Variants in SLC2A13 observed in about 807,000 individuals in gnomAD.
SLC2A13 encodes proton myo-inositol cotransporter.
SLC2A13 carries 32 observed loss-of-function variants against 64.4 expected under a neutral mutation model. The ratio of observed to expected loss-of-function variants is 0.50; its 90% CI spans 0.37 to 0.67. The LOEUF (loss-of-function observed/expected upper bound fraction) is 0.67, where lower values mean the gene tolerates loss of function less well. Ranked by LOEUF, SLC2A13 falls within the 30% of genes least tolerant of loss-of-function variation. The pLI, the probability that SLC2A13 is intolerant of heterozygous loss-of-function variation, is 0.00. For synonymous variants in SLC2A13, 338 were observed against 327.1 expected, an observed-to-expected ratio of 1.03 and a Z score of -0.36; for missense variants, 743 against 829.2, an observed-to-expected ratio of 0.90 and a Z score of 1.28.
At chr12:39,993,912 G>C (rs1200551543) in intron 3 of SLC2A13, among the ~76,000 whole-genome samples, 1 of 152,028 alleles carries the variant, frequency 6.6e-6, no homozygotes, top group Non-Finnish European at 1.5e-5. Flanking sequence ...AAATCTAATT[G>C]AAAAGCAAGG....
intron 7 of SLC2A13, among the ~76,000 whole-genome samples, chr12:39,800,582 A>C (rs1166994126): frequency 1.1e-5 from 1 of 87,602 alleles, no homozygotes; most frequent in Non-Finnish European, 2.3e-5. Flanking sequence ...CAATCATTAA[A>C]AAGTCAGGAA....
intron 1 of SLC2A13, among the ~76,000 whole-genome samples, chr12:40,095,310 T>C (rs1938903303): frequency 6.6e-6 from 1 of 152,144 alleles, no homozygotes; most frequent in Non-Finnish European, 1.5e-5. Flanking sequence ...CTGCGTGAAG[T>C]AAAATAATGA....
At chr12:40,058,205 C>T (rs1009049634) in intron 1 of SLC2A13, among the ~76,000 whole-genome samples, 1 of 152,022 alleles carries the variant, frequency 6.6e-6, no homozygotes, top group African/African-American at 2.4e-5. Flanking sequence ...AACTTGTTTT[C>T]CCAGGGTCTT....
At chr12:39,789,912 G>A (rs1345345775) in intron 7 of SLC2A13, among the ~76,000 whole-genome samples, 2 of 151,966 alleles carry the variant, frequency 1.3e-5, no homozygotes, top group Non-Finnish European at 2.9e-5. Context: ...TCATAGGAAC[G>A]TCCAGATATA....
intron 7 of SLC2A13, among the ~76,000 whole-genome samples, chr12:39,787,783 G>A (rs1048153603): frequency 6.6e-6 from 1 of 152,098 alleles, no homozygotes; most frequent in Non-Finnish European, 1.5e-5. Context: ...GGAAACAGCT[G>A]GGAGACCTAC....
At chr12:40,098,023 ATATGTATGTATATATG>A (rs1383742301) in intron 1 of SLC2A13, among the ~76,000 whole-genome samples, 2 of 148,734 alleles carry the variant, frequency 1.3e-5, no homozygotes, top group Non-Finnish European at 3.0e-5. Flanking sequence ...ATATATGTGT[ATATGTATGTATATATG>A]TATATATGTG....
intron 1 of SLC2A13, among the ~76,000 whole-genome samples, chr12:40,081,157 G>T (rs569565661): frequency 1.3e-5 from 2 of 152,192 alleles, no homozygotes; most frequent in Non-Finnish European, 1.5e-5. Flanking sequence ...CATTGACTTT[G>T]GAGAATCTGA....
chr12:39,925,675 GT>G (rs1466986488), intron 4 of SLC2A13, among the ~76,000 whole-genome samples: 1 of 151,912 alleles, frequency 6.6e-6, no homozygotes, highest in African/African-American at 2.4e-5. Flanking sequence ...AATTATTTTA[GT>G]TTTTACTACT....
chr12:40,052,307 A>G (rs184876667), intron 1 of SLC2A13, among the ~76,000 whole-genome samples: 1 of 152,270 alleles, frequency 6.6e-6, no homozygotes, highest in African/African-American at 2.4e-5. Flanking sequence ...CCCCTACCCA[A>G]TAAGGTCTTC....
chr12:40,056,423 C>A (rs897112651), intron 1 of SLC2A13, among the ~76,000 whole-genome samples: 1 of 152,094 alleles, frequency 6.6e-6, no homozygotes, highest in African/African-American at 2.4e-5. Context: ...GTTATAAAAA[C>A]ATGGGAAAGA....
chr12:39,903,879 G>A (rs960092710), intron 4 of SLC2A13, among the ~76,000 whole-genome samples: 4 of 152,038 alleles, frequency 2.6e-5, no homozygotes, highest in Non-Finnish European at 5.9e-5. Context: ...TACTGGGGAC[G>A]TGATGAAGCA....
rs899633463 is a variant in SLC2A13, at chr12:39,948,632, AT to A, written c.1034+2624del. ...AGAAATAGAATTCAAAATACCTTAT[AT>A]TTCCATTCACTCAGATTTTGAGGTA... On this transcript the variant is annotated intron_variant, in intron 4 of 9. Coordinates refer to ENST00000280871, the MANE Select transcript of SLC2A13 (RefSeq NM_052885.4). Among the ~76,000 whole-genome samples, 129 of 152,280 alleles carry A rather than the reference AT, an allele frequency of 8.5e-4. 1 individual carries two copies. The highest frequency in any genetic ancestry group is 2.9e-3 in the African/African-American group (119 of 41,598).
intron 3 of SLC2A13, among the ~76,000 whole-genome samples, chr12:40,003,078 T>C (rs1167557628): frequency 1.3e-5 from 2 of 152,206 alleles, no homozygotes; most frequent in African/African-American, 2.4e-5. Context: ...AATAATGCCA[T>C]CATAATGGAC....
chr12:39,932,355 C>T (rs1451753052), intron 4 of SLC2A13, among the ~76,000 whole-genome samples: 2 of 152,162 alleles, frequency 1.3e-5, no homozygotes, highest in East Asian at 1.9e-4. Flanking sequence ...GACCCCTAAA[C>T]ACCTAGTTCC....
chr12:40,092,787 G>A (rs1305826162), intron 1 of SLC2A13, among the ~76,000 whole-genome samples: 1 of 152,188 alleles, frequency 6.6e-6, no homozygotes. Flanking sequence ...TCAGACAGAA[G>A]ATGTGAAGGT....
chr12:40,011,068 C>T (rs1295545743), intron 3 of SLC2A13, among the ~76,000 whole-genome samples: 1 of 152,164 alleles, frequency 6.6e-6, no homozygotes, highest in Admixed American at 6.5e-5. Context: ...AATACAACAA[C>T]CTACGATCCA....
chr12:39,844,509 A>C (rs1943255560), intron 6 of SLC2A13, among the ~76,000 whole-genome samples: 2 of 152,122 alleles, frequency 1.3e-5, no homozygotes, highest in African/African-American at 2.4e-5. Flanking sequence ...CGAAAATAAA[A>C]GTTCAAAAGC....
In SLC2A13 at chr12:40,074,975, C is replaced by T. The variant is rs369200957; in HGVS notation, c.557-26765G>A. Reference sequence around the variant, plus strand: ...TATTCCCCTTTTCTCAAATAAAAGGCTAGAGAGAACTAGAATTGGGTGCTT... The same window carrying T: ...TATTCCCCTTTTCTCAAATAAAAGGTTAGAGAGAACTAGAATTGGGTGCTT... On this transcript the variant is annotated intron_variant, in intron 1 of 9. Coordinates refer to ENST00000280871, the MANE Select transcript of SLC2A13 (RefSeq NM_052885.4). Among the ~76,000 whole-genome samples, 98 of 152,234 alleles carry T rather than the reference C, an allele frequency of 6.4e-4. 1 individual carries two copies. The East Asian group carries it at 0.014, about 21-fold the overall frequency.
rs183379290 is a variant in SLC2A13, at chr12:39,906,065, A to G, written c.1035-34104T>C. Among the ~76,000 whole-genome samples the G allele has an allele frequency of 2.0e-5, 3 of 152,274 alleles. No homozygotes were observed. In the East Asian group the frequency reaches 5.8e-4, roughly 29 times the overall value. On this transcript the variant is annotated intron_variant, in intron 4 of 9. Transcript: ENST00000280871. ...CTAAAAACATGACAACTTTATCACG[A>G]TAGACAAACTTGTTTGTAATAAAAT...
Sources: allele counts gnomAD v4.1 joint callset (sites outside exome capture counted in the v4.1 genomes callset), GRCh38; gene constraint gnomAD v4.1.1; transcripts MANE v1.5; gene names NCBI Gene and HGNC (gene_info 2026-07-23, HGNC 2026-07-21).